ATP6V0D2: variants seen among roughly 807,000 people sequenced by gnomAD.
ATP6V0D2 encodes ATPase H+ transporting V0 subunit d2, also known as V-type proton ATPase subunit d 2.
In ATP6V0D2, 40 loss-of-function variants were observed where a neutral mutation model predicts 40.0. The ratio of observed to expected loss-of-function variants is 1.00; its 90% CI spans 0.78 to 1.30. The LOEUF (loss-of-function observed/expected upper bound fraction) is 1.30. ATP6V0D2 is among the 50% of genes most tolerant of loss of function. The pLI is 0.00. For synonymous variants in ATP6V0D2, 179 were observed against 156.3 expected (o/e 1.15, Z -1.08); for missense variants, 470 against 423.1 (o/e 1.11, Z -0.97).
At chr8:86,144,704 C>T (rs1819023147) in intron 5 of ATP6V0D2, among the ~76,000 whole-genome samples, 1 of 152,050 alleles carries the variant, frequency 6.6e-6, no homozygotes, top group African/African-American at 2.4e-5. Flanking sequence ...CACTCTGTTG[C>T]CCAAACTGGA....
At chr8:86,151,348 G>A in intron 6 of ATP6V0D2, 118 bp from the exon 7 acceptor site, 1 of 734,714 alleles carries the variant, frequency 1.4e-6, no homozygotes, top group Non-Finnish European at 2.1e-6. Flanking sequence ...AAAACATTCA[G>A]TCCTCCTGGT....
intron 5 of ATP6V0D2, among the ~76,000 whole-genome samples, chr8:86,145,198 A>G (rs10112227): frequency 0.57 from 24,666 of 43,214 alleles, 4,690 homozygotes; most frequent in African/African-American, 0.64. Context: ...AAGAAAGAAA[A>G]GAAAGAAAGA....
rs184823555 is a variant in ATP6V0D2, at chr8:86,146,005, C to T, written c.639+3051C>T. On this transcript the variant is annotated intron_variant, in intron 5 of 7. Transcript: ENST00000285393. Reference sequence around the variant, plus strand: ...GGCACAGAGAAGGCTAATAACTTACCCGACGTCTCACAGCTAGTAAGTCAC... The same window carrying T: ...GGCACAGAGAAGGCTAATAACTTACTCGACGTCTCACAGCTAGTAAGTCAC... Among the ~76,000 whole-genome samples the T allele has an allele frequency of 5.6e-4, 85 of 152,226 alleles. No homozygotes were observed. The South Asian group carries it at 0.011, about 19-fold the overall frequency.
At chr8:86,111,164 G>GTT (rs1289000775) in intron 1 of ATP6V0D2, among the ~76,000 whole-genome samples, 2 of 148,978 alleles carry the variant, frequency 1.3e-5, no homozygotes, top group African/African-American at 5.0e-5. Flanking sequence ...CCACTAAGTC[G>GTT]TTTTTTTCTT....
In ATP6V0D2 at chr8:86,120,688, C is replaced by T. The variant is rs1818657868; in HGVS notation, c.302+6808C>T. 1.3e-5 allele frequency among the ~76,000 whole-genome samples: 2 copies of T among 152,218 alleles called. 1 individual carries two copies. Among genetic ancestry groups the T allele is most frequent in the South Asian group, 4.1e-4 (2 of 4,834 alleles). On this transcript the variant is annotated intron_variant, in intron 2 of 7. Transcript: ENST00000285393. ...TACTCTGACTTAAATGTTTTACCTT[C>T]ACCTCTACACAAGAACCCTGCAAAA...
chr8:86,107,170 C>A lies in ATP6V0D2; in HGVS notation c.131-6539C>A, dbSNP rs142808761. 4.1e-3 allele frequency among the ~76,000 whole-genome samples: 626 copies of A among 152,002 alleles called. 2 individuals carry two copies. The highest frequency in any genetic ancestry group is 7.0e-3 in the Non-Finnish European group (478 of 67,990). ...GATAGCAGATATACTTGAAGGTGAA[C>A]CAAATCTTGAATAATAGATTGATAA... On this transcript the variant is annotated intron_variant, in intron 1 of 7. Coordinates refer to ENST00000285393, the MANE Select transcript of ATP6V0D2 (RefSeq NM_152565.1).
chr8:86,149,077 C>CAAAAAAAAAAG (rs1819109621), intron 5 of ATP6V0D2, among the ~76,000 whole-genome samples: 1 of 35,774 alleles, frequency 2.8e-5, no homozygotes, highest in African/African-American at 1.2e-4. Context: ...AAAAAAAAAC[C>CAAAAAAAAAAG]AATGAACAAG....
At chr8:86,142,505 T>C (rs1210408010) in intron 4 of ATP6V0D2, among the ~76,000 whole-genome samples, 1 of 152,210 alleles carries the variant, frequency 6.6e-6, no homozygotes, top group Non-Finnish European at 1.5e-5. Context: ...AATGTGCCTC[T>C]ACAAGAGACT....
At chr8:86,101,269 A>G (rs1818393306) in intron 1 of ATP6V0D2, among the ~76,000 whole-genome samples, 1 of 152,054 alleles carries the variant, frequency 6.6e-6, no homozygotes, top group African/African-American at 2.4e-5. Flanking sequence ...GACCAGCCTG[A>G]GCAACACAGC....
chr8:86,136,395 C>T (rs539077507), intron 2 of ATP6V0D2, among the ~76,000 whole-genome samples: 11 of 152,212 alleles, frequency 7.2e-5, no homozygotes, highest in African/African-American at 2.6e-4. Flanking sequence ...AGCTCAGATG[C>T]TTTTACATTG....
At position 86,139,616 on chromosome 8, in the gene ATP6V0D2, T is replaced by C. The variant is rs1483787852; in HGVS notation, c.462T>C (p.Ile154=). ...CACCTTCAGATCTCTTTAATGCCATTCTGATCGAAACGCCATTAGGTAGGA... is the reference window on the plus strand; with the variant it reads ...CACCTTCAGATCTCTTTAATGCCATCCTGATCGAAACGCCATTAGGTAGGA... ...AETPSDLFNA[I]LIETPLAPFF... Residue 154 remains isoleucine, a synonymous_variant, in exon 3 of 8, where the codon ATT becomes ATC. Transcript: ENST00000285393. The C allele has an allele frequency of 1.2e-6, 2 of 1,601,306 alleles. No individual in the cohort carries two copies. Among genetic ancestry groups the C allele is most frequent in the Admixed American group, 3.5e-5 (2 of 56,714 alleles).
chr8:86,150,821 C>A (rs556554773), intron 6 of ATP6V0D2, among the ~76,000 whole-genome samples: 1 of 152,118 alleles, frequency 6.6e-6, no homozygotes, highest in African/African-American at 2.4e-5. Context: ...TCTTGGAGCG[C>A]CTGAAGCTCC....
intron 2 of ATP6V0D2, among the ~76,000 whole-genome samples, chr8:86,121,622 G>A (rs1337577516): frequency 3.3e-5 from 5 of 150,206 alleles, no homozygotes; most frequent in African/African-American, 7.5e-5. Flanking sequence ...AGGAGGAGAA[G>A]GAGAAAGAAG....
rs1819196393 is a variant in ATP6V0D2 at position 86,154,071 on chromosome 8, GC to G, written c.*1098del. On this transcript the variant is annotated 3_prime_UTR_variant, in exon 8 of 8. Transcript: ENST00000285393. The stretch of plus-strand genomic sequence containing the variant: ...GCCCCTTGTTCAGCCACTGCACCTG[GC>G]CCCTTATTTTGTTTTTGTTTTCTAA... The G allele has an allele frequency of 6.6e-6, 1 of 152,154 alleles. No individual in the cohort carries two copies. Among genetic ancestry groups the G allele is most frequent in the African/African-American group, 2.4e-5 (1 of 41,522 alleles). The allele number at this position is 152,154 out of a possible 1,614,324, so 9.4% of individuals were successfully genotyped here. A position where few individuals can be genotyped will look rare whatever the true frequency, so the allele number is the denominator to read the frequency against.
At chr8:86,113,021 T>C (rs963771146) in intron 1 of ATP6V0D2, among the ~76,000 whole-genome samples, 2 of 152,138 alleles carry the variant, frequency 1.3e-5, no homozygotes, top group Non-Finnish European at 2.9e-5. Flanking sequence ...CTAATACATT[T>C]ATCTTTTCCA....
At chr8:86,141,591 T>C in intron 4 of ATP6V0D2, 62 bp downstream of exon 4, 1 of 1,246,268 alleles carries the variant, frequency 8.0e-7, no homozygotes, top group Non-Finnish European at 1.1e-6. Context: ...ACTAGAGTTC[T>C]CTATTAAAAC....
At position 86,150,186 on chromosome 8, in the gene ATP6V0D2, G is replaced by T. The variant is rs1368431868; in HGVS notation, c.714G>T (p.Glu238Asp). 9.3e-6 allele frequency: 15 copies of T among 1,613,420 alleles called. No individual in the cohort carries two copies. The highest frequency in any genetic ancestry group is 1.7e-5 in the Admixed American group (1 of 59,900). ...FGTELSKEDR[E>D]TLYPTFGKLY... ...CTGAATTGAGCAAAGAAGACCGAGA[G>T]ACCCTCTATCCAACCTTCGGCAAAC... Residue 238 changes from glutamate to aspartate, a missense_variant, in exon 6 of 8, where the codon GAG becomes GAT. Coordinates refer to ENST00000285393, the MANE Select transcript of ATP6V0D2 (RefSeq NM_152565.1).
intron 4 of ATP6V0D2, among the ~76,000 whole-genome samples, chr8:86,142,064 G>C (rs1026620380): frequency 6.6e-6 from 1 of 152,208 alleles, no homozygotes; most frequent in Non-Finnish European, 1.5e-5. Flanking sequence ...TTGAGTAGCT[G>C]TATATACTTT....
intron 5 of ATP6V0D2, among the ~76,000 whole-genome samples, chr8:86,148,319 A>C (rs1044327227): frequency 2.0e-5 from 3 of 152,148 alleles, no homozygotes; most frequent in Admixed American, 6.5e-5. Flanking sequence ...GCTTCCACAT[A>C]AAGCCACTCC....
Sources: allele counts gnomAD v4.1 joint callset (sites outside exome capture counted in the v4.1 genomes callset), GRCh38; gene constraint gnomAD v4.1.1; transcripts MANE v1.5; gene names NCBI Gene and HGNC (gene_info 2026-07-23, HGNC 2026-07-21).